The following DOCK7 variants were observed in gnomAD, a reference collection of about 807,000 sequenced individuals.
DOCK7 encodes dedicator of cytokinesis 7.
In DOCK7, 138 loss-of-function variants were observed where a neutral mutation model predicts 271.0. That is an observed-to-expected ratio of 0.51 (90% confidence interval 0.44 to 0.59). DOCK7 has a LOEUF of 0.59. Ranked by LOEUF, DOCK7 falls within the 20% of genes least tolerant of loss-of-function variation. The pLI is 0.00. For missense variants in DOCK7, 2,066 were observed against 2,592.4 expected, an observed-to-expected ratio of 0.80 and a Z score of 4.41; for synonymous variants, 823 against 876.1, an observed-to-expected ratio of 0.94 and a Z score of 1.07.
At chr1:62,582,594 T>C (rs1571639878) in intron 16 of DOCK7, among the ~76,000 whole-genome samples, 1 of 134,114 alleles carries the variant, frequency 7.5e-6, no homozygotes, top group Non-Finnish European at 1.6e-5. Context: ...ATAAAAGAGC[T>C]GTGGGCCCCA....
In DOCK7 at chr1:62,648,267, A is replaced by C. The variant is rs1481368289; in HGVS notation, c.571T>G (p.Trp191Gly). The change falls in exon 6 of 50, where the codon TGG becomes GGG. Residue 191 changes from tryptophan (W) to glycine (G), a missense_variant. By Grantham distance (184) the Trp-to-Gly change is radical. Coordinates refer to ENST00000635253, the MANE Select transcript of DOCK7 (RefSeq NM_001367561.1). ...MSIDDTPRGS[W>G]ACSIFDLKNS... ...TTCAAGTCAAAGATACTACAGGCCC[A>C]GCTACCCCTTGGGGTATCATCTATT... 6.2e-7 allele frequency: 1 copy of C among 1,613,560 alleles called. No individual in the cohort carries two copies. The highest frequency in any genetic ancestry group is 8.5e-7 in the Non-Finnish European group (1 of 1,179,734).
intron 2 of DOCK7, among the ~76,000 whole-genome samples, chr1:62,657,878 A>C (rs1658211058): frequency 6.6e-6 from 1 of 151,880 alleles, no homozygotes; most frequent in Admixed American, 6.6e-5. Context: ...ACAGAGTGAA[A>C]AATCAAAACA....
chr1:62,496,536 A>T, intron 37 of DOCK7, 39 bp from the exon 38 acceptor site: 1 of 1,524,566 alleles, frequency 6.6e-7, no homozygotes, highest in Non-Finnish European at 8.8e-7. Flanking sequence ...CTTAATATAG[A>T]AAAGCTTTAA....
chr1:62,669,081 T>C (rs942806940), intron 1 of DOCK7, among the ~76,000 whole-genome samples: 2 of 152,196 alleles, frequency 1.3e-5, no homozygotes, highest in African/African-American at 4.8e-5. Context: ...TCCATACAAT[T>C]GAGTGTCTAA....
In DOCK7 at chr1:62,553,315, T is replaced by TAC. The variant is rs1645985227; in HGVS notation, c.2597-415_2597-414insGT. On this transcript the variant is annotated intron_variant, in intron 21 of 49. Coordinates refer to ENST00000635253, the MANE Select transcript of DOCK7 (RefSeq NM_001367561.1). ...GGTCTTCTAAATAAAAAGTATTTTA[T>TAC]ATATATATATATATATATATATATA... Among the ~76,000 whole-genome samples the TAC allele has an allele frequency of 1.5e-3, 76 of 52,126 alleles. 2 individuals are homozygous for TAC. Among genetic ancestry groups the TAC allele is most frequent in the African/African-American group, 6.8e-3 (71 of 10,514 alleles). 34.2% of individuals were successfully genotyped at this position (52,126 alleles called of 152,430 possible).
intron 37 of DOCK7, among the ~76,000 whole-genome samples, chr1:62,499,355 T>C (rs191584144): frequency 6.6e-6 from 1 of 152,266 alleles, no homozygotes; most frequent in African/African-American, 2.4e-5. Flanking sequence ...CTTCTGGATT[T>C]CATGTAAAAA....
intron 1 of DOCK7, among the ~76,000 whole-genome samples, chr1:62,668,787 T>G (rs1277618861): frequency 1.3e-5 from 2 of 151,748 alleles, no homozygotes; most frequent in Non-Finnish European, 2.9e-5. Flanking sequence ...CCTAGCTACT[T>G]GGGAGGCTGA....
At chr1:62,467,178 C>A (rs1645703902) in intron 48 of DOCK7, among the ~76,000 whole-genome samples, 1 of 152,184 alleles carries the variant, frequency 6.6e-6, no homozygotes, top group Non-Finnish European at 1.5e-5. Flanking sequence ...AGGCCCAAGA[C>A]AATCAATTCC....
chr1:62,655,415 TTTTTC>T (rs1657890418), intron 2 of DOCK7, among the ~76,000 whole-genome samples: 1 of 128,316 alleles, frequency 7.8e-6, no homozygotes, highest in African/African-American at 2.6e-5. Flanking sequence ...CTGAACTTTT[TTTTTC>T]TTTTCTTTTT....
intron 39 of DOCK7, 127 bp from the exon 40 acceptor site, chr1:62,494,594 T>A: frequency 1.5e-6 from 1 of 682,820 alleles, no homozygotes; most frequent in Non-Finnish European, 2.2e-6. Context: ...AGTTTTAAAG[T>A]AGTATGAAAA....
intron 37 of DOCK7, among the ~76,000 whole-genome samples, chr1:62,498,651 C>A (rs77318099): frequency 1.0e-4 from 14 of 139,282 alleles, no homozygotes; most frequent in Non-Finnish European, 1.1e-4. Context: ...AAAAAAAAAA[C>A]AAAAAACTGT....
Position 62,496,350 on chromosome 1 carries a change from A to G in DOCK7, c.4912T>C (p.Phe1638Leu), listed in dbSNP as rs1183759404. Reference sequence around the variant, plus strand: ...GCAGCATTTCTGACCTGATCAGGAAATGTTGTTTCCCTCAATTCCAGATCT... The same window carrying G: ...GCAGCATTTCTGACCTGATCAGGAAGTGTTGTTTCCCTCAATTCCAGATCT... Reference protein sequence around the residue: ...EEDLELRETTFPDQVQDLVFN... With the variant: ...EEDLELRETTLPDQVQDLVFN... Residue 1638 changes from phenylalanine (F) to leucine (L), a missense_variant, in exon 38 of 50, where the codon TTT becomes CTT. Phe to Leu is a conservative substitution (Grantham distance 22). Transcript: ENST00000635253. The G allele has an allele frequency of 6.2e-7, 1 of 1,613,116 alleles. No homozygotes were observed. Among genetic ancestry groups the G allele is most frequent in the African/African-American group, 1.3e-5 (1 of 74,884 alleles).
At chr1:62,478,012 CA>C (rs1438007826) in intron 43 of DOCK7, 187 bp from the exon 44 acceptor site, 2 of 639,554 alleles carry the variant, frequency 3.1e-6, no homozygotes, top group Non-Finnish European at 4.8e-6. Flanking sequence ...TTATTTCTAA[CA>C]AATAAGTATG....
intron 47 of DOCK7, 104 bp downstream of exon 47, chr1:62,475,104 G>A: frequency 7.8e-7 from 1 of 1,287,462 alleles, no homozygotes; most frequent in Non-Finnish European, 1.0e-6. Context: ...AGGCAGTAGA[G>A]AAGGCAGATC....
intron 18 of DOCK7, among the ~76,000 whole-genome samples, chr1:62,575,689 T>A (rs1646923240): frequency 6.6e-6 from 1 of 152,090 alleles, no homozygotes; most frequent in African/African-American, 2.4e-5. Flanking sequence ...GTCAACTGTT[T>A]ACAAAAGTTT....
intron 16 of DOCK7, among the ~76,000 whole-genome samples, chr1:62,582,662 T>A (rs1381340525): frequency 6.7e-6 from 1 of 149,198 alleles, no homozygotes; most frequent in Non-Finnish European, 1.5e-5. Flanking sequence ...ATAACATCAA[T>A]TTGTGATAGT....
chr1:62,553,346 ATATATATATTTTTTTTTTTTTTT>A (rs1327093655), intron 21 of DOCK7, among the ~76,000 whole-genome samples: 1,465 of 24,202 alleles, frequency 0.061, 17 homozygotes, highest in East Asian at 0.099. Flanking sequence ...ATATATATAT[ATATATATATTTTTTTTTTTTTTT>A]TTTTTTTTTT....
In DOCK7 at chr1:62,455,128, G is replaced by T. The variant is rs893988993; in HGVS notation, c.*286C>A. On this transcript the variant is annotated 3_prime_UTR_variant, in exon 50 of 50. Transcript: ENST00000635253. ...AAATTAAAAAATACGAACTTAAAGT[G>T]AATAAATTTTTAACCTTAGCTATGG... 1.9e-6 allele frequency: 1 copy of T among 533,102 alleles called. No individual in the cohort carries two copies. The highest frequency in any genetic ancestry group is 3.7e-5 in the Admixed American group (1 of 27,004). 33.0% of individuals were successfully genotyped at this position (533,102 alleles called of 1,614,324 possible). A position where few individuals can be genotyped will look rare whatever the true frequency, so the allele number is the denominator to read the frequency against.
chr1:62,658,863 G>C lies in DOCK7; in HGVS notation c.144+4162C>G, dbSNP rs1658332240. On this transcript the variant is annotated intron_variant, in intron 2 of 49. Coordinates refer to ENST00000635253, the MANE Select transcript of DOCK7 (RefSeq NM_001367561.1). ...AGCTACTCCGATGGCTGAGGTGGGA[G>C]AATTACTTGAGCCTGGGAGGCAGAG... Among the ~76,000 whole-genome samples the C allele has an allele frequency of 2.0e-5, 3 of 151,568 alleles. No homozygotes were observed. The South Asian group carries it at 6.2e-4, about 32-fold the overall frequency.
Sources: allele counts gnomAD v4.1 joint callset (sites outside exome capture counted in the v4.1 genomes callset), GRCh38; gene constraint gnomAD v4.1.1; transcripts MANE v1.5; gene names NCBI Gene and HGNC (gene_info 2026-07-23, HGNC 2026-07-21).